The following OLA1 variants were observed in gnomAD, a reference collection of about 807,000 sequenced individuals.
OLA1 encodes the protein Obg like ATPase 1.
OLA1 carries 14 observed loss-of-function variants against 48.4 expected under a neutral mutation model. The observed-to-expected ratio is 0.29, with a 90% CI of 0.19 to 0.45. The LOEUF is 0.45. Ranked by LOEUF, OLA1 falls within the 20% of genes least tolerant of loss-of-function variation. The pLI, the probability that OLA1 is intolerant of heterozygous loss-of-function variation, is 1.00. For missense variants in OLA1, 325 were observed against 467.1 expected, an observed-to-expected ratio of 0.70 and a Z score of 2.80; for synonymous variants, 127 against 150.4, an observed-to-expected ratio of 0.84 and a Z score of 1.14.
intron 7 of OLA1, among the ~76,000 whole-genome samples, chr2:174,087,867 A>AT (rs1685019559): frequency 6.6e-6 from 1 of 152,186 alleles, no homozygotes; most frequent in Non-Finnish European, 1.5e-5. Flanking sequence ...TTATATTACC[A>AT]TTTATGGCAT....
chr2:174,149,235 C>A (rs11674895), intron 4 of OLA1, among the ~76,000 whole-genome samples: 80,819 of 152,112 alleles, frequency 0.53, 22,076 homozygotes, highest in East Asian at 0.95. Context: ...ATCTTGAATG[C>A]CCACTCAGTA....
chr2:174,205,627 A>G (rs952630257), intron 4 of OLA1, among the ~76,000 whole-genome samples: 4 of 152,180 alleles, frequency 2.6e-5, no homozygotes, highest in Non-Finnish European at 4.4e-5. Context: ...TGCTGGTTCA[A>G]TGGGGTCTTC....
At chr2:174,085,246 A>G (rs755194986) in intron 7 of OLA1, among the ~76,000 whole-genome samples, 2 of 152,174 alleles carry the variant, frequency 1.3e-5, no homozygotes, top group Non-Finnish European at 2.9e-5. Context: ...GGAGTCCTCA[A>G]CCCCTGGACT....
chr2:174,140,021 T>A (rs558495455), intron 5 of OLA1, among the ~76,000 whole-genome samples: 1 of 152,132 alleles, frequency 6.6e-6, no homozygotes, highest in African/African-American at 2.4e-5. Context: ...TTCACGCTTA[T>A]TGACATAAAA....
At chr2:174,171,284 A>C (rs140670626) in intron 4 of OLA1, among the ~76,000 whole-genome samples, 2 of 152,344 alleles carry the variant, frequency 1.3e-5, no homozygotes, top group Non-Finnish European at 2.9e-5. Context: ...ATCTTGAACG[A>C]AATATTTATA....
intron 7 of OLA1, among the ~76,000 whole-genome samples, chr2:174,112,650 T>C (rs912682797): frequency 2.0e-5 from 3 of 152,192 alleles, no homozygotes; most frequent in Non-Finnish European, 2.9e-5. Context: ...AGGTTAGTTA[T>C]TTCAGGAGTG....
At chr2:174,194,491 G>A (rs1687840731) in intron 4 of OLA1, among the ~76,000 whole-genome samples, 1 of 152,058 alleles carries the variant, frequency 6.6e-6, no homozygotes, top group East Asian at 1.9e-4. Flanking sequence ...TTGCGAGGGT[G>A]GGAGTGATAC....
intron 7 of OLA1, among the ~76,000 whole-genome samples, chr2:174,121,437 C>T (rs1040811293): frequency 1.2e-4 from 19 of 152,240 alleles, no homozygotes; most frequent in African/African-American, 4.6e-4. Context: ...AAATTCTCTT[C>T]TGGAACATCA....
chr2:174,132,655 T>G (rs1035649001), intron 5 of OLA1, among the ~76,000 whole-genome samples: 25 of 152,214 alleles, frequency 1.6e-4, no homozygotes, highest in African/African-American at 5.5e-4. Flanking sequence ...TCTAGTAATC[T>G]TCCCATTATT....
chr2:174,229,031 CACA>C (rs1688673190), intron 3 of OLA1, among the ~76,000 whole-genome samples: 1 of 152,138 alleles, frequency 6.6e-6, no homozygotes, highest in African/African-American at 2.4e-5. Flanking sequence ...CACCTGCCAC[CACA>C]CCCAGCTAAA....
intron 2 of OLA1, among the ~76,000 whole-genome samples, chr2:174,246,042 G>T (rs889769449): frequency 2.6e-5 from 4 of 152,242 alleles, no homozygotes; most frequent in African/African-American, 7.2e-5. Flanking sequence ...GCTCATGCCT[G>T]TAATCCCAGC....
chr2:174,154,478 T>C (rs1259554103), intron 4 of OLA1, among the ~76,000 whole-genome samples: 1 of 152,044 alleles, frequency 6.6e-6, no homozygotes, highest in Non-Finnish European at 1.5e-5. Context: ...TTTTTGGGCC[T>C]AAAAGATAAA....
At chr2:174,086,179 C>T (rs1370022176) in intron 7 of OLA1, among the ~76,000 whole-genome samples, 1 of 152,088 alleles carries the variant, frequency 6.6e-6, no homozygotes, top group Non-Finnish European at 1.5e-5. Context: ...ATGGGTAATG[C>T]TTCTTACAGT....
intron 4 of OLA1, among the ~76,000 whole-genome samples, chr2:174,188,346 G>A (rs1687700982): frequency 6.6e-6 from 1 of 150,996 alleles, no homozygotes; most frequent in East Asian, 2.0e-4. Context: ...TCCTTCAATT[G>A]CCTCTAATGT....
intron 7 of OLA1, among the ~76,000 whole-genome samples, chr2:174,094,695 G>A (rs541440596): frequency 4.4e-4 from 67 of 152,192 alleles, no homozygotes; most frequent in Non-Finnish European, 8.2e-4. Context: ...CTTAACACTT[G>A]TAAATTTACC....
At chr2:174,174,382 A>G (rs1173822836) in intron 4 of OLA1, among the ~76,000 whole-genome samples, 1 of 152,068 alleles carries the variant, frequency 6.6e-6, no homozygotes. Flanking sequence ...ATCAAAAATC[A>G]GTCTATGTAA....
intron 7 of OLA1, among the ~76,000 whole-genome samples, chr2:174,121,876 G>A (rs1262929636): frequency 6.6e-6 from 1 of 152,126 alleles, no homozygotes; most frequent in African/African-American, 2.4e-5. Context: ...CAAGGAAACT[G>A]ACTCATCCCT....
At chr2:174,102,075 G>T (rs766099146) in intron 7 of OLA1, among the ~76,000 whole-genome samples, 1 of 152,086 alleles carries the variant, frequency 6.6e-6, no homozygotes, top group Non-Finnish European at 1.5e-5. Flanking sequence ...CTTGAAAAGG[G>T]CAAAGAGGAG....
chr2:174,136,721 T>C (rs1686318257), intron 5 of OLA1, among the ~76,000 whole-genome samples: 1 of 151,712 alleles, frequency 6.6e-6, no homozygotes, highest in South Asian at 2.1e-4. Flanking sequence ...ACCCAGGCTG[T>C]AGTGCAGTGG....
Sources: gnomAD v4.1 joint callset for allele counts (sites outside exome capture counted in the v4.1 genomes callset) on GRCh38, gnomAD v4.1.1 for gene constraint, MANE v1.5 for transcripts, NCBI Gene and HGNC (gene_info 2026-07-23, HGNC 2026-07-21) for gene names.